Variants in SPOCK1 observed in about 807,000 individuals in gnomAD.
The protein encoded by SPOCK1 is SPARC (osteonectin), cwcv and kazal like domains proteoglycan 1, also known as testican-1.
In SPOCK1, 23 loss-of-function variants were observed where a neutral mutation model predicts 55.3. The ratio of observed to expected loss-of-function variants is 0.42; its 90% confidence interval spans 0.30 to 0.59. The LOEUF is 0.59. Ranked by LOEUF, SPOCK1 falls within the 20% of genes least tolerant of loss-of-function variation. The probability of loss-of-function intolerance (pLI) is 0.22; values close to 1 mark genes in which losing one functional copy is unlikely to be tolerated. For synonymous variants in SPOCK1, 226 were observed against 221.0 expected (o/e 1.02, Z -0.20); for missense variants, 499 against 552.5 (o/e 0.90, Z 0.97).
In SPOCK1 at chr5:137,160,244, A is replaced by G. The variant is rs182653255; in HGVS notation, c.233-19550T>C. Among the ~76,000 whole-genome samples, 540 of 149,510 alleles carry G rather than the reference A, an allele frequency of 3.6e-3. 1 individual carries two copies. Among genetic ancestry groups the G allele is most frequent in the African/African-American group, 8.3e-3 (335 of 40,600 alleles). On this transcript the variant is annotated intron_variant, in intron 3 of 10. Transcript: ENST00000394945. ...TCCATTCCTGAGTACTTCACTTAGA[A>G]TAACAGTCTCCAATCTCATCCAGGT...
At chr5:137,140,726 T>C in intron 3 of SPOCK1, 32 bp from the exon 4 acceptor site, 1 of 1,336,034 alleles carries the variant, frequency 7.5e-7, no homozygotes, top group Non-Finnish European at 1.0e-6. Context: ...GGGCAGGGTT[T>C]AGGACCTCCA....
chr5:137,169,790 G>A (rs888605681), intron 3 of SPOCK1, among the ~76,000 whole-genome samples: 1 of 152,200 alleles, frequency 6.6e-6, no homozygotes, highest in African/African-American at 2.4e-5. Context: ...GAGGTTCAGA[G>A]TTTTGACCAC....
intron 5 of SPOCK1, among the ~76,000 whole-genome samples, chr5:137,081,297 G>A (rs962043409): frequency 2.6e-5 from 4 of 152,224 alleles, no homozygotes; most frequent in African/African-American, 9.6e-5. Context: ...GAGAAGAAAT[G>A]CAGACGGAGA....
At position 137,293,229 on chromosome 5, in the gene SPOCK1, A is replaced by G. The variant is rs569516495; in HGVS notation, c.187-26174T>C. Among the ~76,000 whole-genome samples the G allele has an allele frequency of 5.3e-5, 8 of 151,848 alleles. No homozygotes were observed. In the South Asian group the frequency reaches 1.0e-3, roughly 20 times the overall value. On this transcript the variant is annotated intron_variant, in intron 2 of 10. Coordinates refer to ENST00000394945, the MANE Select transcript of SPOCK1 (RefSeq NM_004598.4). ...GGAATATTTTGAAAGCACAAATAAG[A>G]CTTTGGCAGCTTTTATTAGAGCACA...
intron 2 of SPOCK1, among the ~76,000 whole-genome samples, chr5:137,440,185 T>G (rs1349095863): frequency 6.6e-6 from 1 of 151,628 alleles, no homozygotes; most frequent in Non-Finnish European, 1.5e-5. Flanking sequence ...AAAGAACATC[T>G]GGAAAGAAAA....
intron 3 of SPOCK1, among the ~76,000 whole-genome samples, chr5:137,164,717 C>T (rs1754615988): frequency 6.6e-6 from 1 of 152,090 alleles, no homozygotes; most frequent in African/African-American, 2.4e-5. Context: ...GGCCTGGCAG[C>T]CTTCACCACA....
At chr5:137,342,012 A>T (rs761078567) in intron 2 of SPOCK1, among the ~76,000 whole-genome samples, 2 of 152,254 alleles carry the variant, frequency 1.3e-5, no homozygotes, top group Non-Finnish European at 2.9e-5. Flanking sequence ...AGAGAGCGCC[A>T]GGGCTGCGGT....
intron 3 of SPOCK1, among the ~76,000 whole-genome samples, chr5:137,190,392 G>C (rs1229276583): frequency 1.3e-5 from 2 of 152,144 alleles, no homozygotes; most frequent in South Asian, 2.1e-4. Flanking sequence ...ACTGAAGCAA[G>C]ACCCTCCACT....
rs1753492927 is a variant in SPOCK1, at chr5:137,112,415, A to G, written c.474+20T>C. 1.2e-6 allele frequency: 2 copies of G among 1,607,868 alleles called. No individual in the cohort carries two copies. Among genetic ancestry groups the G allele is most frequent in the African/African-American group, 1.3e-5 (1 of 74,362 alleles). On this transcript the variant is annotated intron_variant, in intron 5 of 10. Coordinates refer to ENST00000394945, the MANE Select transcript of SPOCK1 (RefSeq NM_004598.4). ...CGACATGAAGTATTTTTGATAACATAAAAAGACAAGAAAACCAACCTTGGA... is the reference window on the plus strand; with the variant it reads ...CGACATGAAGTATTTTTGATAACATGAAAAGACAAGAAAACCAACCTTGGA...
At chr5:137,275,485 G>A (rs1757048671) in intron 2 of SPOCK1, among the ~76,000 whole-genome samples, 1 of 152,220 alleles carries the variant, frequency 6.6e-6, no homozygotes, top group Non-Finnish European at 1.5e-5. Flanking sequence ...TCTGATGCCT[G>A]GCCCAGGGCA....
intron 3 of SPOCK1, among the ~76,000 whole-genome samples, chr5:137,240,616 A>T (rs1201434168): frequency 6.6e-6 from 1 of 152,224 alleles, no homozygotes; most frequent in Non-Finnish European, 1.5e-5. Context: ...ACACAGGAAG[A>T]CAAACTCACA....
chr5:137,231,458 G>A (rs939971552), intron 3 of SPOCK1, among the ~76,000 whole-genome samples: 1 of 152,168 alleles, frequency 6.6e-6, no homozygotes, highest in African/African-American at 2.4e-5. Flanking sequence ...TAAAATGTGG[G>A]CATTTCAAAA....
rs138275137 is a variant in SPOCK1, at chr5:137,319,534, G to T, written c.187-52479C>A. ...CTAGTTATGTTTTCAGTAGAGTGATGCTAGGATACACTTTTATGCAATGCC... is the reference window on the plus strand; with the variant it reads ...CTAGTTATGTTTTCAGTAGAGTGATTCTAGGATACACTTTTATGCAATGCC... On this transcript the variant is annotated intron_variant, in intron 2 of 10. Coordinates refer to ENST00000394945, the MANE Select transcript of SPOCK1 (RefSeq NM_004598.4). Among the ~76,000 whole-genome samples, 664 of 152,314 alleles carry T rather than the reference G, an allele frequency of 4.4e-3. 10 individuals are homozygous for T. Among genetic ancestry groups the T allele is most frequent in the African/African-American group, 0.015 (644 of 41,572 alleles).
chr5:137,222,651 C>T (rs1169059134), intron 3 of SPOCK1, among the ~76,000 whole-genome samples: 1 of 152,138 alleles, frequency 6.6e-6, no homozygotes, highest in African/African-American at 2.4e-5. Context: ...TGCTTGAAAA[C>T]AGCAAGCACA....
chr5:137,227,817 T>C (rs17171117), intron 3 of SPOCK1, among the ~76,000 whole-genome samples: 3,272 of 152,256 alleles, frequency 0.021, 136 homozygotes, highest in African/African-American at 0.074. Context: ...ATTTGTGCCA[T>C]AAGCTTGTAC....
chr5:137,293,801 G>A (rs1757423378), intron 2 of SPOCK1, among the ~76,000 whole-genome samples: 1 of 152,202 alleles, frequency 6.6e-6, no homozygotes, highest in East Asian at 1.9e-4. Flanking sequence ...TGGATCATGA[G>A]GTCAGGAGAT....
chr5:137,411,585 C>G (rs530500668), intron 2 of SPOCK1, among the ~76,000 whole-genome samples: 2 of 152,218 alleles, frequency 1.3e-5, no homozygotes, highest in Non-Finnish European at 2.9e-5. Flanking sequence ...GCACCTTGGA[C>G]TGGAAGCAAA....
intron 3 of SPOCK1, among the ~76,000 whole-genome samples, chr5:137,256,681 T>C (rs770166980): frequency 5.9e-5 from 9 of 152,096 alleles, no homozygotes; most frequent in Non-Finnish European, 1.2e-4. Context: ...GCTCCTGTGG[T>C]CTCTGAGCAC....
At chr5:137,069,406 C>T (rs1752566985) in intron 5 of SPOCK1, among the ~76,000 whole-genome samples, 1 of 152,112 alleles carries the variant, frequency 6.6e-6, no homozygotes, top group Non-Finnish European at 1.5e-5. Context: ...GGGGGCTACA[C>T]AAAAATAAGC....
Sources: allele counts gnomAD v4.1 joint callset (sites outside exome capture counted in the v4.1 genomes callset), GRCh38; gene constraint gnomAD v4.1.1; transcripts MANE v1.5; gene names NCBI Gene and HGNC (gene_info 2026-07-23, HGNC 2026-07-21).